IRAK2: variants seen among roughly 807,000 people sequenced by gnomAD.
IRAK2 encodes the protein interleukin 1 receptor associated kinase 2.
IRAK2 carries 57 observed loss-of-function variants against 72.0 expected under a neutral mutation model. The observed-to-expected ratio is 0.79, with a 90% CI of 0.64 to 0.99. The LOEUF (loss-of-function observed/expected upper bound fraction) is 0.99. Among genes scored for constraint, IRAK2 ranks in the 50% least tolerant of loss-of-function variants. The pLI is 0.00. For synonymous variants in IRAK2, 293 were observed against 312.7 expected (o/e 0.94, Z 0.67); for missense variants, 790 against 794.4 (o/e 0.99, Z 0.07).
At chr3:10,230,555 C>A (rs536473728) in intron 10 of IRAK2, among the ~76,000 whole-genome samples, 85 of 152,146 alleles carry the variant, frequency 5.6e-4, no homozygotes, top group African/African-American at 2.0e-3. Flanking sequence ...ACATAATAAA[C>A]AATATATGTT....
intron 6 of IRAK2, among the ~76,000 whole-genome samples, chr3:10,214,710 T>G (rs1697576352): frequency 6.6e-6 from 1 of 152,052 alleles, no homozygotes; most frequent in Non-Finnish European, 1.5e-5. Flanking sequence ...ACTTTGATGC[T>G]GAGGCAAGAG....
chr3:10,221,352 C>A (rs112825792), intron 8 of IRAK2, among the ~76,000 whole-genome samples: 3,008 of 145,534 alleles, frequency 0.021, 106 homozygotes, highest in African/African-American at 0.074. Context: ...CTCCCAGGTT[C>A]ACGCCATTCT....
intron 3 of IRAK2, among the ~76,000 whole-genome samples, chr3:10,200,849 T>C (rs2125151879): frequency 6.6e-6 from 1 of 152,302 alleles, no homozygotes; most frequent in African/African-American, 2.4e-5. Flanking sequence ...TGTGGTGAGC[T>C]ATGATCACAC....
chr3:10,166,791 T>C (rs1209428374), intron 1 of IRAK2, among the ~76,000 whole-genome samples: 2 of 152,206 alleles, frequency 1.3e-5, no homozygotes, highest in Admixed American at 1.3e-4. Context: ...ATTACAGGCA[T>C]GTGCCACCAC....
rs973752428 is a variant in IRAK2 at position 10,224,845 on chromosome 3, C to T, written c.1210-1526C>T. 6.1e-5 allele frequency among the ~76,000 whole-genome samples: 9 copies of T among 148,084 alleles called. No homozygotes were observed. In the Admixed American group the frequency reaches 6.2e-4, roughly 10 times the overall value. On this transcript the variant is annotated intron_variant, in intron 9 of 12. Transcript: ENST00000256458. ...GCTCCTGCCACCCTTTTGCTCAGCC[C>T]TGCCTCTGGTTGACTGATAACGCTT...
At chr3:10,238,535 C>T (rs1698001505) in intron 11 of IRAK2, among the ~76,000 whole-genome samples, 1 of 152,120 alleles carries the variant, frequency 6.6e-6, no homozygotes, top group Non-Finnish European at 1.5e-5. Flanking sequence ...CTATGATCTG[C>T]CCATGTTGGG....
intron 1 of IRAK2, among the ~76,000 whole-genome samples, chr3:10,167,911 C>A (rs1696722269): frequency 6.6e-6 from 1 of 152,188 alleles, no homozygotes; most frequent in Non-Finnish European, 1.5e-5. Context: ...CTCAAGCGAT[C>A]TTCCTGTCTC....
At chr3:10,228,162 T>G (rs1697809209) in intron 10 of IRAK2, among the ~76,000 whole-genome samples, 1 of 152,124 alleles carries the variant, frequency 6.6e-6, no homozygotes, top group Non-Finnish European at 1.5e-5. Context: ...AACTCTAGTC[T>G]TCCTCATCAG....
chr3:10,226,781 C>CA, intron 10 of IRAK2, among the ~76,000 whole-genome samples: 1 of 151,270 alleles, frequency 6.6e-6, no homozygotes, highest in Non-Finnish European at 1.5e-5. Context: ...AAAAAACTTA[C>CA]AAAAAACCCC....
At chr3:10,219,570 G>C (rs1295869583) in intron 7 of IRAK2, 110 bp from the exon 8 acceptor site, 17 of 723,794 alleles carry the variant, frequency 2.3e-5, no homozygotes, top group Non-Finnish European at 3.9e-5. Context: ...TGCCTGCCTG[G>C]GCCTCCCAGT....
intron 2 of IRAK2, among the ~76,000 whole-genome samples, chr3:10,193,229 C>T (rs1697204173): frequency 1.3e-5 from 2 of 152,218 alleles, no homozygotes; most frequent in Admixed American, 6.5e-5. Context: ...GCTTCTGCCC[C>T]TCCCCCATTT....
At chr3:10,239,963 A>T (rs778042) in intron 12 of IRAK2, among the ~76,000 whole-genome samples, 105,824 of 150,962 alleles carry the variant, frequency 0.7, 37,536 homozygotes, top group East Asian at 0.99. Context: ...CTTGGCCAAG[A>T]TGGTGAAACC....
intron 8 of IRAK2, among the ~76,000 whole-genome samples, chr3:10,221,044 T>C (rs1697679160): frequency 6.6e-6 from 1 of 151,782 alleles, no homozygotes; most frequent in Non-Finnish European, 1.5e-5. Flanking sequence ...ACTTAACCAC[T>C]CCTGGCACAC....
rs752217048 is a variant in IRAK2 at position 10,200,409 on chromosome 3, C to T, written c.318C>T (p.Phe106=). Residue 106 remains phenylalanine, a synonymous_variant, in exon 3 of 13, where the codon TTC becomes TTT. Transcript: ENST00000256458. ...APEIRCPIPA[F]PDSVKPEKPL... is the part of the protein sequence containing the mutation. ...AAATCAGGTGTCCCATTCCAGCCTT[C>T]CCTGACTCTGTGAAGCCAGAAAAGC... The T allele has an allele frequency of 8.1e-6, 13 of 1,606,634 alleles. No homozygotes were observed. Among genetic ancestry groups the T allele is most frequent in the Non-Finnish European group, 1.1e-5 (13 of 1,174,520 alleles).
intron 4 of IRAK2, among the ~76,000 whole-genome samples, chr3:10,211,857 C>T (rs1697526851): frequency 6.6e-6 from 1 of 152,024 alleles, no homozygotes; most frequent in Admixed American, 6.6e-5. Context: ...TCGGGCGGAT[C>T]ACGAGGTCAG....
intron 3 of IRAK2, among the ~76,000 whole-genome samples, chr3:10,207,012 C>T (rs1476081540): frequency 6.6e-6 from 1 of 152,104 alleles, no homozygotes; most frequent in Non-Finnish European, 1.5e-5. Context: ...CGCCATCATG[C>T]CAGGCTAATT....
At chr3:10,222,362 G>A in intron 8 of IRAK2, among the ~76,000 whole-genome samples, 1 of 152,140 alleles carries the variant, frequency 6.6e-6, no homozygotes, top group East Asian at 1.9e-4. Flanking sequence ...GATCAGGGTT[G>A]GCATCTGTGG....
chr3:10,185,870 C>A (rs1381228808), intron 2 of IRAK2, among the ~76,000 whole-genome samples: 2 of 151,336 alleles, frequency 1.3e-5, no homozygotes, highest in Non-Finnish European at 2.9e-5. Context: ...GACTACACTC[C>A]GTCTCAAAAA....
intron 2 of IRAK2, among the ~76,000 whole-genome samples, chr3:10,191,765 G>T (rs1286960530): frequency 6.6e-6 from 1 of 152,098 alleles, no homozygotes; most frequent in South Asian, 2.1e-4. Flanking sequence ...CCTCCCTCGA[G>T]TTTGTTTTCA....
Sources: gnomAD v4.1 joint callset for allele counts (sites outside exome capture counted in the v4.1 genomes callset) on GRCh38, gnomAD v4.1.1 for gene constraint, MANE v1.5 for transcripts, NCBI Gene and HGNC (gene_info 2026-07-23, HGNC 2026-07-21) for gene names.